Variants in ZNF782 observed in about 807,000 individuals in gnomAD.
ZNF782 encodes zinc finger protein 782.
Under a neutral mutation model 13.0 loss-of-function variants are expected in ZNF782, and 12 were observed. The observed-to-expected ratio is 0.92, with a 90% CI of 0.59 to 1.50. The LOEUF is 1.50. Ranked by LOEUF, ZNF782 falls within the 40% of genes most tolerant of loss-of-function variation. The pLI is 0.00. For synonymous variants in ZNF782, 284 were observed against 283.0 expected (o/e 1.00, Z -0.04); for missense variants, 770 against 822.9 (o/e 0.94, Z 0.79).
At chr9:96,933,088 C>T in the ZNF782 span, among the ~76,000 whole-genome samples, 1 of 151,220 alleles carries the variant, frequency 6.6e-6, no homozygotes, top group South Asian at 2.1e-4. Flanking sequence ...CGTCATTCTC[C>T]TGCCTCAGGC....
intron 4 of ZNF782, among the ~76,000 whole-genome samples, chr9:96,841,654 G>A (rs904801964): frequency 6.6e-6 from 1 of 151,876 alleles, no homozygotes; most frequent in Non-Finnish European, 1.5e-5. Flanking sequence ...TACATAAAAA[G>A]TATTTGACAA....
At chr9:96,890,532 G>GGT in the ZNF782 span, 1 of 152,308 alleles carries the variant, frequency 6.6e-6, no homozygotes, top group East Asian at 1.9e-4. Flanking sequence ...GTTAATTAAA[G>GGT]TACCCTCCAG....
In ZNF782 at chr9:96,818,786, G is replaced by C. The variant is rs1850285950; in HGVS notation, c.1237C>G (p.Gln413Glu). The C allele has an allele frequency of 2.5e-6, 4 of 1,613,988 alleles. No homozygotes were observed. The East Asian group carries it at 8.9e-5, about 36-fold the overall frequency. Residue 413 changes from glutamine to glutamate, a missense_variant, in exon 6 of 6, where the codon CAG (glutamine) becomes GAG (glutamate). Coordinates refer to ENST00000481138, the MANE Select transcript of ZNF782 (RefSeq NM_001001662.3). Reference protein sequence around the residue: ...FSEKSRLRKHQRTHTGEKPYK... With the variant: ...FSEKSRLRKHERTHTGEKPYK... ...GGTTTCTCTCCCGTGTGAGTTCTCTGATGTTTTCTTAGGCGTGACTTCTCA... is the reference window on the plus strand; with the variant it reads ...GGTTTCTCTCCCGTGTGAGTTCTCTCATGTTTTCTTAGGCGTGACTTCTCA...
chr9:96,913,642 G>A, the ZNF782 span, among the ~76,000 whole-genome samples: 9 of 151,052 alleles, frequency 6.0e-5, no homozygotes, highest in Middle Eastern at 3.2e-3. Context: ...TCCTGCCTCC[G>A]CCTCCCAAGT....
At chr9:96,912,500 A>C in the ZNF782 span, among the ~76,000 whole-genome samples, 4 of 148,664 alleles carry the variant, frequency 2.7e-5, no homozygotes, top group Non-Finnish European at 5.9e-5. Context: ...TCTCAAAAAC[A>C]AAAAGGCCAG....
chr9:96,832,390 G>A (rs1343600192), intron 4 of ZNF782, among the ~76,000 whole-genome samples: 1 of 152,164 alleles, frequency 6.6e-6, no homozygotes, highest in Non-Finnish European at 1.5e-5. Flanking sequence ...AAACTCAAGA[G>A]GGAAGGCAGG....
At chr9:96,912,227 T>G in the ZNF782 span, among the ~76,000 whole-genome samples, 1 of 130,144 alleles carries the variant, frequency 7.7e-6, no homozygotes, top group Admixed American at 7.6e-5. Context: ...AAAAACTAAC[T>G]AAAAAACAGG....
chr9:96,845,742 G>A (rs1357868700), intron 3 of ZNF782, among the ~76,000 whole-genome samples: 2 of 152,150 alleles, frequency 1.3e-5, no homozygotes, highest in African/African-American at 4.8e-5. Flanking sequence ...TGTTTCTGAG[G>A]GAGAAAAGAA....
chr9:96,877,413 C>G (rs918292837), upstream of ZNF782, among the ~76,000 whole-genome samples: 12 of 152,238 alleles, frequency 7.9e-5, no homozygotes, highest in South Asian at 2.5e-3. Context: ...AGGAGCCCGG[C>G]TTCGGGGTGC....
chr9:96,823,971 A>G (rs1038718382), intron 5 of ZNF782, among the ~76,000 whole-genome samples: 2 of 152,212 alleles, frequency 1.3e-5, no homozygotes, highest in Non-Finnish European at 2.9e-5. Flanking sequence ...ATTCTACCAG[A>G]GATACAAGGA....
chr9:96,929,084 C>G, the ZNF782 span: 1 of 1,611,174 alleles, frequency 6.2e-7, no homozygotes, highest in Admixed American at 1.7e-5. Context: ...TGCCTTGCCT[C>G]AACTCCTTGG....
Position 96,851,912 on chromosome 9 carries a change from T to C in ZNF782, c.15+35A>G, listed in dbSNP as rs113699967. 24 of 1,606,680 alleles carry C rather than the reference T, an allele frequency of 1.5e-5. No individual in the cohort carries two copies. In the African/African-American group the frequency reaches 2.1e-4, roughly 14 times the overall value. On this transcript the variant is annotated intron_variant, in intron 3 of 5. Transcript: ENST00000481138. The stretch of plus-strand genomic sequence containing the variant: ...CCTATCTAAACCTCATAAAATCCAT[T>C]ACAATACAAAGTGGGGAATGAATAA...
rs1563992143 is a variant in ZNF782 at position 96,819,004 on chromosome 9, T to C, written c.1019A>G (p.Tyr340Cys). The change falls in exon 6 of 6, where the codon TAT becomes TGT. Residue 340 changes from tyrosine (Y) to cysteine (C), a missense_variant. Coordinates refer to ENST00000481138, the MANE Select transcript of ZNF782 (RefSeq NM_001001662.3). ...GCTGAATGTCTCTGTACATGGGTGA[T>C]AATCAGAGTATTTATCTGTTGCATG... is the stretch of plus-strand genomic sequence containing the variant. ...RTHATDKYSD[Y>C]HPCTETFSYQ... 4 of 1,614,186 alleles carry C rather than the reference T, an allele frequency of 2.5e-6. No individual in the cohort carries two copies. Among genetic ancestry groups the C allele is most frequent in the East Asian group, 2.2e-5 (1 of 44,890 alleles).
Position 96,850,863 on chromosome 9 carries a change from A to G in ZNF782, c.15+1084T>C, listed in dbSNP as rs560528872. On this transcript the variant is annotated intron_variant, in intron 3 of 5. Transcript: ENST00000481138. The surrounding 1 kb of genome is among the most constrained non-coding windows in gnomAD (Gnocchi z 4.3). ...CAAATACGTTTTGTATTAAAATTGA[A>G]AAATCTTTCCAGTTTTAGTAAACAT... is the stretch of plus-strand genomic sequence containing the variant. Among the ~76,000 whole-genome samples the G allele has an allele frequency of 6.6e-5, 10 of 152,336 alleles. No individual in the cohort carries two copies. The South Asian group carries it at 2.1e-3, about 32-fold the overall frequency.
At chr9:96,842,517 C>G (rs1211541592) in intron 4 of ZNF782, among the ~76,000 whole-genome samples, 1 of 151,722 alleles carries the variant, frequency 6.6e-6, no homozygotes, top group Non-Finnish European at 1.5e-5. Flanking sequence ...TATCCATAGG[C>G]AAAAACAAAC....
rs561502511 is a variant in ZNF782 at position 96,817,008 on chromosome 9, A to G, written c.*915T>C. 6.6e-6 allele frequency: 1 copy of G among 152,352 alleles called. No individual in the cohort carries two copies. The highest frequency in any genetic ancestry group is 6.5e-5 in the Admixed American group (1 of 15,308). 9.4% of individuals were successfully genotyped at this position (152,352 alleles called of 1,614,324 possible). ...AACCTTTAGAAGTTCAGCAGGGAAC[A>G]CATTTATTTCCTCACTGCAAGAAGT... On this transcript the variant is annotated 3_prime_UTR_variant, in exon 6 of 6. Transcript: ENST00000481138.
intron 3 of ZNF782, among the ~76,000 whole-genome samples, chr9:96,859,627 G>A (rs1851681612): frequency 6.6e-6 from 1 of 152,172 alleles, no homozygotes; most frequent in Admixed American, 6.5e-5. Flanking sequence ...TAACCAGGTA[G>A]TACATGCCAT....
At chr9:96,846,140 C>G (rs1851333857) in intron 3 of ZNF782, among the ~76,000 whole-genome samples, 1 of 152,162 alleles carries the variant, frequency 6.6e-6, no homozygotes, top group Admixed American at 6.5e-5. Flanking sequence ...CAGACAAATG[C>G]ATGCTGAGGG....
At chr9:96,898,337 A>G in the ZNF782 span, among the ~76,000 whole-genome samples, 1 of 148,146 alleles carries the variant, frequency 6.8e-6, no homozygotes, top group Non-Finnish European at 1.5e-5. Context: ...GTACCCACCA[A>G]TCTGCTTTGT....
Sources: allele counts gnomAD v4.1 joint callset (sites outside exome capture counted in the v4.1 genomes callset), GRCh38; gene constraint gnomAD v4.1.1; non-coding constraint Gnocchi (gnomAD v3.1); transcripts MANE v1.5; gene names NCBI Gene and HGNC (gene_info 2026-07-23, HGNC 2026-07-21).